The following SLC24A2 variants were observed in gnomAD, a reference collection of about 807,000 sequenced individuals.
SLC24A2 encodes the protein sodium/potassium/calcium exchanger 2.
A neutral mutation model predicts 62.0 loss-of-function variants in SLC24A2; 36 were observed. The ratio of observed to expected loss-of-function variants is 0.58; its 90% CI spans 0.44 to 0.77. The LOEUF (loss-of-function observed/expected upper bound fraction) is 0.77, where lower values mean the gene tolerates loss of function less well. Ranked by LOEUF, SLC24A2 falls within the 30% of genes least tolerant of loss-of-function variation. SLC24A2 has a pLI of 0.00. For missense variants in SLC24A2, 846 were observed against 817.9 expected (o/e 1.03, Z -0.42); for synonymous variants, 358 against 294.0 (o/e 1.22, Z -2.23).
intron 2 of SLC24A2, among the ~76,000 whole-genome samples, chr9:19,643,834 C>T (rs1016157830): frequency 3.3e-5 from 5 of 152,136 alleles, no homozygotes; most frequent in African/African-American, 9.7e-5. Flanking sequence ...ACTTGTGCAT[C>T]GATGTACCCA....
At chr9:20,164,824 G>A in the SLC24A2 span, among the ~76,000 whole-genome samples, 2 of 151,852 alleles carry the variant, frequency 1.3e-5, no homozygotes, top group South Asian at 2.1e-4. Flanking sequence ...ATGAGTTCAT[G>A]TCCTTTTTAG....
the SLC24A2 span, among the ~76,000 whole-genome samples, chr9:19,842,768 A>G: frequency 2.0e-5 from 3 of 152,168 alleles, no homozygotes; most frequent in African/African-American, 7.2e-5. Flanking sequence ...TCTATTCTAC[A>G]CAGTCCTTCT....
intron 4 of SLC24A2, among the ~76,000 whole-genome samples, chr9:19,613,574 G>A (rs1174830752): frequency 1.3e-5 from 2 of 152,152 alleles, no homozygotes; most frequent in South Asian, 4.1e-4. Context: ...CAGAGGAAGA[G>A]AGAGCTTTTA....
At chr9:20,097,232 T>G in the SLC24A2 span, among the ~76,000 whole-genome samples, 20,278 of 152,090 alleles carry the variant, frequency 0.13, 2,105 homozygotes, top group East Asian at 0.58. Flanking sequence ...TATAATAGGA[T>G]GATTGGGAGC....
At chr9:19,550,037 G>T in intron 8 of SLC24A2, 100 bp downstream of exon 8, 1 of 1,195,952 alleles carries the variant, frequency 8.4e-7, no homozygotes, top group Non-Finnish European at 1.2e-6. Context: ...TGATACAAGT[G>T]TACTTCCTTT....
At chr9:20,231,247 G>A in the SLC24A2 span, among the ~76,000 whole-genome samples, 10 of 152,254 alleles carry the variant, frequency 6.6e-5, no homozygotes, top group East Asian at 1.9e-3. Context: ...GAACTTTAAG[G>A]TAGTTTTTTC....
chr9:20,116,509 G>A, the SLC24A2 span, among the ~76,000 whole-genome samples: 1 of 152,080 alleles, frequency 6.6e-6, no homozygotes, highest in Non-Finnish European at 1.5e-5. Context: ...TTCGCTCTTC[G>A]TAGTTCTCCA....
the SLC24A2 span, among the ~76,000 whole-genome samples, chr9:20,203,174 G>C: frequency 6.6e-6 from 1 of 151,106 alleles, no homozygotes; most frequent in Non-Finnish European, 1.5e-5. Flanking sequence ...TAACAGCTTA[G>C]TTACCAAATC....
chr9:19,791,527 G>C (rs569398930), upstream of SLC24A2, among the ~76,000 whole-genome samples: 6 of 152,266 alleles, frequency 3.9e-5, no homozygotes, highest in East Asian at 1.9e-4. Flanking sequence ...ATCCATATTC[G>C]ACTCAAGATT....
intron 2 of SLC24A2, among the ~76,000 whole-genome samples, chr9:19,695,994 C>T (rs1820180251): frequency 6.6e-6 from 1 of 152,262 alleles, no homozygotes; most frequent in South Asian, 2.1e-4. Flanking sequence ...CAGTACCAGT[C>T]TGTGGCCTGT....
chr9:19,745,353 C>A (rs1259419264), intron 2 of SLC24A2, among the ~76,000 whole-genome samples: 1 of 152,132 alleles, frequency 6.6e-6, no homozygotes, highest in East Asian at 1.9e-4. Flanking sequence ...GACTAACACA[C>A]CACTGAATAC....
At chr9:19,893,228 A>T in the SLC24A2 span, among the ~76,000 whole-genome samples, 1 of 152,166 alleles carries the variant, frequency 6.6e-6, no homozygotes, top group Non-Finnish European at 1.5e-5. Context: ...TTTTACTATC[A>T]TATTAGCTTC....
At chr9:20,081,710 G>C in the SLC24A2 span, among the ~76,000 whole-genome samples, 1 of 152,116 alleles carries the variant, frequency 6.6e-6, no homozygotes, top group Non-Finnish European at 1.5e-5. Flanking sequence ...ATTGTTCCCA[G>C]TGTCACTGTC....
intron 2 of SLC24A2, among the ~76,000 whole-genome samples, chr9:19,655,247 T>C (rs970267998): frequency 6.6e-6 from 1 of 152,218 alleles, no homozygotes; most frequent in Non-Finnish European, 1.5e-5. Context: ...AGTGAGCTCA[T>C]GATTGAACAT....
chr9:20,291,168 T>G, the SLC24A2 span, among the ~76,000 whole-genome samples: 2 of 152,176 alleles, frequency 1.3e-5, no homozygotes, highest in Admixed American at 6.5e-5. Flanking sequence ...ATGCCTGCCC[T>G]TAAGCAACTG....
chr9:19,853,550 C>T, the SLC24A2 span, among the ~76,000 whole-genome samples: 4 of 152,160 alleles, frequency 2.6e-5, no homozygotes, highest in Admixed American at 2.6e-4. Flanking sequence ...GACCTTTCTG[C>T]ATCTATTGAG....
rs547750632 is a variant in SLC24A2 at position 19,573,547 on chromosome 9, G to C, written c.1229-78C>G. The C allele has an allele frequency of 4.0e-4, 349 of 862,832 alleles. No homozygotes were observed. The African/African-American group carries it at 5.4e-3, about 13-fold the overall frequency. 53.4% of individuals were successfully genotyped at this position (862,832 alleles called of 1,614,324 possible). On this transcript the variant is annotated intron_variant, in intron 6 of 10. Transcript: ENST00000341998. ...ACACACACAGAGAGAGAGAGAGAGA[G>C]AGAGAGAAAGCAAATGGAATCAATG...
chr9:20,011,054 G>A, the SLC24A2 span, among the ~76,000 whole-genome samples: 2 of 152,046 alleles, frequency 1.3e-5, no homozygotes, highest in Admixed American at 6.5e-5. Context: ...ATTTTGAATA[G>A]TGCCACAATA....
At chr9:20,285,105 C>T in the SLC24A2 span, among the ~76,000 whole-genome samples, 8 of 152,210 alleles carry the variant, frequency 5.3e-5, no homozygotes, top group East Asian at 9.6e-4. Flanking sequence ...GGAGGTGGCA[C>T]GTCATATTCA....
Sources: allele counts gnomAD v4.1 joint callset (sites outside exome capture counted in the v4.1 genomes callset), GRCh38; gene constraint gnomAD v4.1.1; transcripts MANE v1.5; gene names NCBI Gene and HGNC (gene_info 2026-07-23, HGNC 2026-07-21).